Variants in MYO16 observed in about 807,000 individuals in gnomAD.
MYO16 encodes the protein unconventional myosin-XVI.
Under a neutral mutation model 205.3 loss-of-function variants are expected in MYO16, and 94 were observed. The observed-to-expected ratio is 0.46, with a 90% CI of 0.39 to 0.54. The LOEUF (loss-of-function observed/expected upper bound fraction) is 0.54. Among genes scored for constraint, MYO16 ranks in the 20% least tolerant of loss-of-function variants. The pLI is 0.00. For synonymous variants in MYO16, 988 were observed against 954.0 expected (o/e 1.04, Z -0.66); for missense variants, 2,315 against 2,387.5 (o/e 0.97, Z 0.63).
At chr13:108,940,541 A>G (rs1882682075) in intron 16 of MYO16, among the ~76,000 whole-genome samples, 1 of 152,206 alleles carries the variant, frequency 6.6e-6, no homozygotes, top group South Asian at 2.1e-4. Flanking sequence ...AATTCTTCAA[A>G]CATTATTAGC....
At chr13:108,799,988 G>A (rs145313686) in intron 6 of MYO16, among the ~76,000 whole-genome samples, 1 of 152,112 alleles carries the variant, frequency 6.6e-6, no homozygotes, top group African/African-American at 2.4e-5. Context: ...CTTTTTGTGA[G>A]AATTTGGGGG....
chr13:108,792,149 T>C (rs571719493), intron 5 of MYO16, among the ~76,000 whole-genome samples: 1 of 152,306 alleles, frequency 6.6e-6, no homozygotes, highest in East Asian at 1.9e-4. Context: ...ATCATGAAAC[T>C]TCAGGTTAAA....
chr13:108,548,695 G>A, the MYO16 span, among the ~76,000 whole-genome samples: 10 of 152,006 alleles, frequency 6.6e-5, no homozygotes, highest in Non-Finnish European at 1.5e-4. Flanking sequence ...TGGTAATGAT[G>A]ATGATTATGA....
intron 16 of MYO16, among the ~76,000 whole-genome samples, chr13:108,935,425 TG>T (rs1882433687): frequency 6.6e-6 from 1 of 152,170 alleles, no homozygotes; most frequent in African/African-American, 2.4e-5. Flanking sequence ...TGAACATTAT[TG>T]GTGTATAGAA....
At chr13:108,592,264 C>T (rs1203359350), upstream of MYO16, among the ~76,000 whole-genome samples, 1 of 26,346 alleles carries the variant, frequency 3.8e-5, no homozygotes, top group Admixed American at 6.0e-4. Context: ...GTGTGAGGTA[C>T]GTGTGGGTGT....
At chr13:108,780,312 C>A (rs1483795401) in intron 4 of MYO16, among the ~76,000 whole-genome samples, 8 of 150,864 alleles carry the variant, frequency 5.3e-5, no homozygotes, top group Admixed American at 3.3e-4. Context: ...AGATTGAAGA[C>A]CATGAGCTCT....
chr13:109,133,594 G>A (rs1421074432), intron 31 of MYO16, among the ~76,000 whole-genome samples: 1 of 152,156 alleles, frequency 6.6e-6, no homozygotes, highest in Non-Finnish European at 1.5e-5. Context: ...GTAATGAGAT[G>A]GCTTCAGAAT....
intron 7 of MYO16, among the ~76,000 whole-genome samples, chr13:108,817,233 C>T (rs571009668): frequency 2.6e-5 from 4 of 152,282 alleles, no homozygotes; most frequent in African/African-American, 7.2e-5. Context: ...ACTGAAATGA[C>T]ATATGTCTAT....
At chr13:108,674,804 G>T (rs1012013076) in intron 2 of MYO16, among the ~76,000 whole-genome samples, 1 of 152,186 alleles carries the variant, frequency 6.6e-6, no homozygotes, top group African/African-American at 2.4e-5. Flanking sequence ...AAAAGAGTCA[G>T]ATTTAACCAC....
chr13:108,723,011 A>C (rs1228799737), intron 3 of MYO16, among the ~76,000 whole-genome samples: 2 of 151,714 alleles, frequency 1.3e-5, no homozygotes, highest in Non-Finnish European at 2.9e-5. Context: ...CTGCTAATAC[A>C]TTCCTCCATA....
the MYO16 span, among the ~76,000 whole-genome samples, chr13:108,553,115 T>C: frequency 7.2e-6 from 1 of 139,070 alleles, no homozygotes; most frequent in Admixed American, 8.1e-5. Context: ...GCCTCCCAGG[T>C]TCAACTGCTT....
intron 27 of MYO16, among the ~76,000 whole-genome samples, chr13:109,079,499 C>A (rs538121110): frequency 2.0e-4 from 30 of 152,140 alleles, no homozygotes; most frequent in Admixed American, 1.4e-3. Context: ...TTATCCTAAG[C>A]GAATTCATGC....
intron 23 of MYO16, 109 bp from the exon 24 acceptor site, chr13:109,046,807 C>G: frequency 2.3e-6 from 2 of 887,708 alleles, no homozygotes; most frequent in Non-Finnish European, 3.6e-6. Flanking sequence ...GAAGACACTT[C>G]TTTTATGAAT....
rs566674919 is a variant in MYO16, at chr13:109,078,864, T to C, written c.3336-21921T>C. ...TTACTCTGGCAGATGGGAACAGCCC[T>C]TCTTCCTTTTGTCCCTGCCCTGGGG... On this transcript the variant is annotated intron_variant, in intron 27 of 34. Transcript: ENST00000457511. 2.0e-5 allele frequency among the ~76,000 whole-genome samples: 3 copies of C among 152,286 alleles called. No homozygotes were observed. In the South Asian group the frequency reaches 6.2e-4, roughly 32 times the overall value.
intron 1 of MYO16, among the ~76,000 whole-genome samples, chr13:108,643,339 C>T (rs1465425034): frequency 6.6e-6 from 1 of 152,176 alleles, no homozygotes; most frequent in Non-Finnish European, 1.5e-5. Context: ...ATGCTTCTTC[C>T]TTTTAATTAC....
chr13:109,132,531 G>A (rs534052817), intron 31 of MYO16, among the ~76,000 whole-genome samples: 1 of 152,252 alleles, frequency 6.6e-6, no homozygotes, highest in East Asian at 1.9e-4. Flanking sequence ...GTGAATACAT[G>A]TTACAGAAAT....
intron 22 of MYO16, among the ~76,000 whole-genome samples, chr13:109,014,459 G>A (rs1210178238): frequency 1.3e-5 from 2 of 152,142 alleles, no homozygotes; most frequent in Admixed American, 6.5e-5. Flanking sequence ...GCTCTTTTTT[G>A]GTTCCATATG....
chr13:108,746,724 A>T (rs573372064), intron 4 of MYO16, among the ~76,000 whole-genome samples: 1 of 152,308 alleles, frequency 6.6e-6, no homozygotes, highest in African/African-American at 2.4e-5. Flanking sequence ...TTGGTTTAAC[A>T]ATGGCCAAAC....
chr13:108,785,688 T>C lies in MYO16; in HGVS notation c.561T>C (p.Tyr187=). Reference sequence around the variant, plus strand: ...TGAATGGAAATATCCCATTAGATTATGCTGTAGAAGGGACAGAATCCAGCT... The same window carrying C: ...TGAATGGAAATATCCCATTAGATTACGCTGTAGAAGGGACAGAATCCAGCT... ...QDVNGNIPLD[Y]AVEGTESSSI... is the part of the protein sequence containing the mutation. Residue 187 remains tyrosine (Y), a synonymous_variant, in exon 5 of 35, where the codon TAT becomes TAC. Coordinates refer to ENST00000457511, the MANE Select transcript of MYO16 (RefSeq NM_001198950.3). 1 of 1,613,752 alleles carries C rather than the reference T, an allele frequency of 6.2e-7. No homozygotes were observed.
Sources: gnomAD v4.1 joint callset for allele counts (sites outside exome capture counted in the v4.1 genomes callset) on GRCh38, gnomAD v4.1.1 for gene constraint, MANE v1.5 for transcripts, NCBI Gene and HGNC (gene_info 2026-07-23, HGNC 2026-07-21) for gene names.